Variants in FAM135B observed in about 807,000 individuals in gnomAD.
FAM135B encodes the protein family with sequence similarity 135 member B.
In FAM135B, 43 loss-of-function variants were observed where a neutral mutation model predicts 127.7. That is an observed-to-expected ratio of 0.34 (90% CI 0.26 to 0.43). FAM135B has a LOEUF of 0.43. FAM135B is among the 20% of genes least tolerant of loss of function. The pLI, the probability that FAM135B is intolerant of heterozygous loss-of-function variation, is 1.00. For missense variants in FAM135B, 1,558 were observed against 1,725.6 expected, an observed-to-expected ratio of 0.90 and a Z score of 1.72; for synonymous variants, 670 against 665.1, an observed-to-expected ratio of 1.01 and a Z score of -0.11.
At chr8:138,479,184 C>T (rs530468774) in intron 1 of FAM135B, among the ~76,000 whole-genome samples, 19 of 152,352 alleles carry the variant, frequency 1.2e-4, no homozygotes, top group Admixed American at 1.0e-3. Context: ...GCCACCCTCT[C>T]AGCACTTCCA....
At position 138,261,727 on chromosome 8, in the gene FAM135B, G is replaced by C. The variant is rs116041927; in HGVS notation, c.297+3976C>G. ...TAACTTGTGATTAGTTCTGTCCATG[G>C]TCATCTCTTGTACTTATCTGTGACC... On this transcript the variant is annotated intron_variant, in intron 4 of 19. Transcript: ENST00000395297. Among the ~76,000 whole-genome samples the C allele has an allele frequency of 3.8e-3, 579 of 151,048 alleles. 4 individuals are homozygous for C. Among genetic ancestry groups the C allele is most frequent in the African/African-American group, 0.014 (557 of 41,022 alleles).
At chr8:138,374,218 G>A (rs961002997) in intron 1 of FAM135B, among the ~76,000 whole-genome samples, 2 of 152,064 alleles carry the variant, frequency 1.3e-5, no homozygotes, top group East Asian at 1.9e-4. Context: ...TGATGCTTAG[G>A]GAAAATAGAA....
At chr8:138,288,844 G>C (rs1012212051) in intron 3 of FAM135B, among the ~76,000 whole-genome samples, 3 of 152,162 alleles carry the variant, frequency 2.0e-5, no homozygotes, top group Non-Finnish European at 2.9e-5. Context: ...AAATGTTCTA[G>C]AGCATGTATT....
At chr8:138,324,940 T>C (rs1827700469) in intron 2 of FAM135B, among the ~76,000 whole-genome samples, 1 of 152,212 alleles carries the variant, frequency 6.6e-6, no homozygotes, top group African/African-American at 2.4e-5. Flanking sequence ...CATTAAGTAC[T>C]GTTCAATCAT....
rs557390984 is a variant in FAM135B, at chr8:138,152,899, C to A, written c.1576G>T (p.Ala526Ser). The change falls in exon 13 of 20, where the codon GCT becomes TCT. Residue 526 changes from alanine (A) to serine (S), a missense_variant. Transcript: ENST00000395297. ...DECWTGQTSD[A>S]GTYPVADVDT... is the part of the protein sequence containing the mutation. Reference sequence around the variant, plus strand: ...ACATCTGCCACTGGATATGTCCCAGCATCAGATGTTTGGCCAGTCCAACAT... The same window carrying A: ...ACATCTGCCACTGGATATGTCCCAGAATCAGATGTTTGGCCAGTCCAACAT... 6.2e-7 allele frequency: 1 copy of A among 1,614,214 alleles called. No individual in the cohort carries two copies. Among genetic ancestry groups the A allele is most frequent in the East Asian group, 2.2e-5 (1 of 44,882 alleles).
At chr8:138,443,886 T>A (rs550391402) in intron 1 of FAM135B, among the ~76,000 whole-genome samples, 3 of 152,294 alleles carry the variant, frequency 2.0e-5, no homozygotes, top group African/African-American at 7.2e-5. Context: ...GACCCATCAA[T>A]GTGCTGTATT....
rs550792668 is a variant in FAM135B at position 138,174,221 on chromosome 8, AAC to A, written c.1103+3124_1103+3125del. On this transcript the variant is annotated intron_variant, in intron 11 of 19. Coordinates refer to ENST00000395297, the MANE Select transcript of FAM135B (RefSeq NM_015912.4). ...AACGATTGTGACCCATTGTTTGAGA[AAC>A]ACAATTTAATCTGAGCTCGAACAAG... is the stretch of plus-strand genomic sequence containing the variant. 1.4e-4 allele frequency among the ~76,000 whole-genome samples: 22 copies of A among 152,276 alleles called. No homozygotes were observed. In the East Asian group the frequency reaches 3.5e-3, roughly 24 times the overall value.
chr8:138,418,348 C>A (rs1450542662), intron 1 of FAM135B, among the ~76,000 whole-genome samples: 1 of 152,056 alleles, frequency 6.6e-6, no homozygotes, highest in Non-Finnish European at 1.5e-5. Context: ...AGAGAGGGAG[C>A]AAGCAACTTT....
At chr8:138,477,484 T>A (rs534180295) in intron 1 of FAM135B, 3 of 152,216 alleles carry the variant, frequency 2.0e-5, no homozygotes, top group Non-Finnish European at 4.4e-5. Context: ...TCTGTTTGTT[T>A]ATCTGTTGCC....
rs754877550 is a variant in FAM135B, at chr8:138,310,881, C to A, written c.117G>T (p.Arg39Ser). ...QIRVTLKVSS[R>S]IPHRLSASIA... is the part of the protein sequence containing the mutation. ...TGGAGGCACTCAGTCTGTGGGGGAT[C>A]CTTGAAGACACCTTCAAGGTCACTC... Residue 39 changes from arginine to serine, a missense_variant, in exon 3 of 20, where the codon AGG becomes AGT. Physicochemically the swap from Arg to Ser is moderately radical, Grantham distance 110. Coordinates refer to ENST00000395297, the MANE Select transcript of FAM135B (RefSeq NM_015912.4). 8 of 1,613,730 alleles carry A rather than the reference C, an allele frequency of 5.0e-6. No individual in the cohort carries two copies. The South Asian group carries it at 8.8e-5, about 18-fold the overall frequency.
chr8:138,285,134 A>ATTTTTTTTTTTT (rs386414180), intron 3 of FAM135B, among the ~76,000 whole-genome samples: 5 of 54,790 alleles, frequency 9.1e-5, no homozygotes, highest in Admixed American at 6.8e-4. Context: ...GGCTCTACTA[A>ATTTTTTTTTTTT]TTTTTTTTTT....
At chr8:138,454,005 G>A (rs959174727) in intron 1 of FAM135B, among the ~76,000 whole-genome samples, 1 of 152,062 alleles carries the variant, frequency 6.6e-6, no homozygotes, top group Admixed American at 6.6e-5. Flanking sequence ...AGGTAATATA[G>A]ATGGTCGAGC....
rs1821654276 is a variant in FAM135B, at chr8:138,250,912, G to C, written c.471C>G (p.Asp157Glu). The change falls in exon 6 of 20, where the codon GAC (aspartate) becomes GAG (glutamate). Residue 157 changes from aspartate (D) to glutamate (E), a missense_variant. Coordinates refer to ENST00000395297, the MANE Select transcript of FAM135B (RefSeq NM_015912.4). ...GLHHQVPVMF[D>E]YFHLSVISVT... ...CCGAGATCACAGACAGGTGGAAATA[G>C]TCGAACATGACCGGGACCTGGTGGT... 3 of 1,613,962 alleles carry C rather than the reference G, an allele frequency of 1.9e-6. No individual in the cohort carries two copies. Among genetic ancestry groups the C allele is most frequent in the Non-Finnish European group, 2.5e-6 (3 of 1,180,006 alleles).
chr8:138,163,404 C>T (rs1819597082), intron 12 of FAM135B, among the ~76,000 whole-genome samples: 2 of 152,006 alleles, frequency 1.3e-5, no homozygotes, highest in Non-Finnish European at 1.5e-5. Context: ...CATGTTTAGG[C>T]CATGTGATAT....
At position 138,151,348 on chromosome 8, in the gene FAM135B, G is replaced by A. The variant is rs1210481531; in HGVS notation, c.3127C>T (p.Pro1043Ser). ...LSVSCTATCL[P>S]FSSVPKETPA... ...GTCTCCTTGGGCACAGATGAGAAAG[G>A]GAGACAGGTGGCAGTGCAAGACACA... The change falls in exon 13 of 20, where the codon CCT becomes TCT. Residue 1043 changes from proline (P) to serine (S), a missense_variant. This residue lies in a region of FAM135B where 923 missense variants were observed against 865.3 expected (regional missense o/e 1.07). Transcript: ENST00000395297. The A allele has an allele frequency of 4.3e-6, 7 of 1,613,962 alleles. No homozygotes were observed. Among genetic ancestry groups the A allele is most frequent in the South Asian group, 1.1e-5 (1 of 91,020 alleles).
At chr8:138,326,516 C>T (rs1413795045) in intron 2 of FAM135B, among the ~76,000 whole-genome samples, 1 of 152,074 alleles carries the variant, frequency 6.6e-6, no homozygotes, top group Non-Finnish European at 1.5e-5. Flanking sequence ...GAAAATTTGT[C>T]GTGCAATATC....
intron 19 of FAM135B, among the ~76,000 whole-genome samples, chr8:138,135,402 T>A (rs905104186): frequency 6.6e-6 from 1 of 152,194 alleles, no homozygotes; most frequent in Non-Finnish European, 1.5e-5. Flanking sequence ...TCTTAGCATA[T>A]AATGATGTCC....
intron 19 of FAM135B, among the ~76,000 whole-genome samples, chr8:138,134,594 A>G (rs1156304600): frequency 1.3e-5 from 2 of 152,216 alleles, no homozygotes; most frequent in Non-Finnish European, 2.9e-5. Context: ...ATGACAATGT[A>G]GAGAATAAAT....
At chr8:138,269,708 T>C (rs1056697393) in intron 3 of FAM135B, among the ~76,000 whole-genome samples, 4 of 152,228 alleles carry the variant, frequency 2.6e-5, no homozygotes, top group Non-Finnish European at 5.9e-5. Flanking sequence ...TGTGTGGCCT[T>C]AGGCAGGACT....
Sources: gnomAD v4.1 joint callset for allele counts (sites outside exome capture counted in the v4.1 genomes callset) on GRCh38, gnomAD v4.1.1 for gene constraint, gnomAD v4.1.1 regional missense constraint, MANE v1.5 for transcripts, NCBI Gene and HGNC (gene_info 2026-07-23, HGNC 2026-07-21) for gene names.